The following NRXN3 variants were observed in gnomAD, a reference collection of about 807,000 sequenced individuals.
The protein encoded by NRXN3 is neurexin 3, also known as neurexin III.
Under a neutral mutation model 137.6 loss-of-function variants are expected in NRXN3, and 32 were observed. The observed-to-expected ratio is 0.23, with a 90% confidence interval of 0.18 to 0.31. The LOEUF is 0.31. NRXN3 is among the 10% of genes least tolerant of loss of function. The probability of loss-of-function intolerance (pLI) is 1.00; values close to 1 mark genes in which losing one functional copy is unlikely to be tolerated. For missense variants in NRXN3, 1,574 were observed against 2,062.5 expected, an observed-to-expected ratio of 0.76 and a Z score of 4.59; for synonymous variants, 798 against 784.5, an observed-to-expected ratio of 1.02 and a Z score of -0.29.
At chr14:78,531,844 T>A (rs4243660) in intron 4 of NRXN3, among the ~76,000 whole-genome samples, 1 of 151,974 alleles carries the variant, frequency 6.6e-6, no homozygotes, top group African/African-American at 2.4e-5. Flanking sequence ...TTCTAGGAGG[T>A]AAAGCTTTTG....
At chr14:78,718,167 C>T (rs2098442971) in intron 8 of NRXN3, among the ~76,000 whole-genome samples, 1 of 152,116 alleles carries the variant, frequency 6.6e-6, no homozygotes. Flanking sequence ...TAGAAGCATT[C>T]TAGAATCAAG....
intron 16 of NRXN3, among the ~76,000 whole-genome samples, chr14:79,620,303 A>G (rs1479594568): frequency 6.6e-6 from 1 of 152,154 alleles, no homozygotes; most frequent in Non-Finnish European, 1.5e-5. Context: ...CACTGATGTA[A>G]TAAAAAGATT....
intron 4 of NRXN3, among the ~76,000 whole-genome samples, chr14:78,609,998 T>A (rs911406971): frequency 6.7e-6 from 1 of 149,614 alleles, no homozygotes; most frequent in Non-Finnish European, 1.5e-5. Flanking sequence ...TGTAACAGAA[T>A]GTGAGATAGA....
intron 20 of NRXN3, among the ~76,000 whole-genome samples, chr14:79,838,190 G>A (rs1171538726): frequency 2.0e-5 from 3 of 152,090 alleles, no homozygotes; most frequent in Admixed American, 6.6e-5. Context: ...TCAACTTTCA[G>A]ACTTAAGACT....
At chr14:79,806,962 A>ATAT (rs1568317468) in intron 20 of NRXN3, among the ~76,000 whole-genome samples, 3 of 26,356 alleles carry the variant, frequency 1.1e-4, no homozygotes, top group Non-Finnish European at 1.9e-4. Context: ...ATATATATAT[A>ATAT]TTTTTTTTTT....
chr14:79,524,686 G>T (rs1340951482), intron 16 of NRXN3, among the ~76,000 whole-genome samples: 2 of 152,168 alleles, frequency 1.3e-5, no homozygotes, highest in Non-Finnish European at 2.9e-5. Flanking sequence ...GCCTTCCAAA[G>T]ATTCTCTGAA....
chr14:79,837,103 A>C (rs1383944157), intron 20 of NRXN3, among the ~76,000 whole-genome samples: 1 of 152,184 alleles, frequency 6.6e-6, no homozygotes, highest in Non-Finnish European at 1.5e-5. Context: ...GTTGTAAAGT[A>C]TGTATGCAAT....
intron 6 of NRXN3, among the ~76,000 whole-genome samples, chr14:78,670,022 C>G (rs2097920312): frequency 6.6e-6 from 1 of 151,944 alleles, no homozygotes; most frequent in Admixed American, 6.6e-5. Context: ...CCCCCCACCC[C>G]CTGACAGGCC....
chr14:78,626,441 AT>A (rs888721094), intron 4 of NRXN3, among the ~76,000 whole-genome samples: 47 of 152,272 alleles, frequency 3.1e-4, no homozygotes, highest in African/African-American at 1.1e-3. Context: ...AATCGTTATT[AT>A]TTTTTCCCTT....
chr14:78,645,928 C>T (rs550623846), intron 5 of NRXN3, among the ~76,000 whole-genome samples: 79 of 152,222 alleles, frequency 5.2e-4, no homozygotes, highest in African/African-American at 1.8e-3. Context: ...CCTTTCCCAA[C>T]TATTTTTTTC....
intron 16 of NRXN3, among the ~76,000 whole-genome samples, chr14:79,606,079 G>C (rs2098010803): frequency 1.3e-5 from 2 of 152,094 alleles, no homozygotes; most frequent in African/African-American, 4.8e-5. Flanking sequence ...CTTTGTTTGA[G>C]GATTGGAAAG....
chr14:78,814,271 G>A (rs1353970641), intron 10 of NRXN3, among the ~76,000 whole-genome samples: 2 of 152,146 alleles, frequency 1.3e-5, no homozygotes, highest in Non-Finnish European at 2.9e-5. Flanking sequence ...CAACAGAGTT[G>A]GCAGCCATCA....
intron 8 of NRXN3, among the ~76,000 whole-genome samples, chr14:78,730,707 C>A (rs1305597405): frequency 6.6e-6 from 1 of 152,118 alleles, no homozygotes; most frequent in Non-Finnish European, 1.5e-5. Context: ...TCCTTTTGAA[C>A]CACAATAAAT....
intron 15 of NRXN3, among the ~76,000 whole-genome samples, chr14:79,362,708 A>G (rs1481628367): frequency 6.6e-6 from 1 of 152,240 alleles, no homozygotes; most frequent in Non-Finnish European, 1.5e-5. Flanking sequence ...CCTAGGCACC[A>G]TGTACAAGTA....
chr14:79,777,909 A>G (rs2099102107), intron 19 of NRXN3, among the ~76,000 whole-genome samples: 2 of 152,070 alleles, frequency 1.3e-5, no homozygotes, highest in Admixed American at 1.3e-4. Context: ...ACTATTTACT[A>G]TAGCTACCTC....
At chr14:78,787,952 A>G (rs2098793976) in intron 8 of NRXN3, among the ~76,000 whole-genome samples, 1 of 152,198 alleles carries the variant, frequency 6.6e-6, no homozygotes, top group South Asian at 2.1e-4. Context: ...AGACTTCATA[A>G]TGATAAGGAA....
intron 15 of NRXN3, among the ~76,000 whole-genome samples, chr14:79,291,149 T>C (rs1344480086): frequency 1.3e-5 from 2 of 152,198 alleles, no homozygotes; most frequent in Admixed American, 1.3e-4. Flanking sequence ...TGGTCACCTT[T>C]GAATGTTCTC....
chr14:79,227,612 G>A (rs2153268016), intron 15 of NRXN3, among the ~76,000 whole-genome samples: 1 of 152,128 alleles, frequency 6.6e-6, no homozygotes, highest in Admixed American at 6.6e-5. Flanking sequence ...TTTTATTGGT[G>A]GATTGTACCC....
In NRXN3 at chr14:79,844,767, A is replaced by G. The variant is rs146326528; in HGVS notation, c.4094-16575A>G. Among the ~76,000 whole-genome samples, 816 of 152,320 alleles carry G rather than the reference A, an allele frequency of 5.4e-3. 8 individuals carry two copies. The highest frequency in any genetic ancestry group is 0.019 in the African/African-American group (785 of 41,568). On this transcript the variant is annotated intron_variant, in intron 20 of 20. Coordinates refer to ENST00000335750, the MANE Select transcript of NRXN3 (RefSeq NM_001330195.2). ...GAACCCTAGGAATTTTGAAGTGGCAAATAAGTATTGACTTTAAGTCACCAG... is the reference window on the plus strand; with the variant it reads ...GAACCCTAGGAATTTTGAAGTGGCAGATAAGTATTGACTTTAAGTCACCAG...
Sources: gnomAD v4.1 joint callset for allele counts (sites outside exome capture counted in the v4.1 genomes callset) on GRCh38, gnomAD v4.1.1 for gene constraint, MANE v1.5 for transcripts, NCBI Gene and HGNC (gene_info 2026-07-23, HGNC 2026-07-21) for gene names.